FKBP3: variants seen among roughly 807,000 people sequenced by gnomAD.
FKBP3 encodes the protein FKBP prolyl isomerase 3, also known as peptidyl-prolyl cis-trans isomerase FKBP3.
In FKBP3, 21 loss-of-function variants were observed where a neutral mutation model predicts 30.6. The observed-to-expected ratio is 0.69, with a 90% CI of 0.49 to 0.99. The LOEUF (loss-of-function observed/expected upper bound fraction) is 0.99, where lower values mean the gene tolerates loss of function less well. Among genes scored for constraint, FKBP3 ranks in the 50% least tolerant of loss-of-function variants. FKBP3 has a pLI of 0.00. For synonymous variants in FKBP3, 82 were observed against 91.3 expected, an observed-to-expected ratio of 0.90 and a Z score of 0.58; for missense variants, 283 against 261.6, an observed-to-expected ratio of 1.08 and a Z score of -0.56.
At position 45,118,018 on chromosome 14, in the gene FKBP3, A is replaced by G. The variant is rs1314405532; in HGVS notation, c.620+10T>C. The G allele has an allele frequency of 1.9e-6, 3 of 1,574,178 alleles. No homozygotes were observed. The African/African-American group carries it at 4.1e-5, about 22-fold the overall frequency. ...TTTCAACTTTAATTATGAAGGGGAA[A>G]AAAGGATACTTGGCATCAGGCTGTC... is the stretch of plus-strand genomic sequence containing the variant. On this transcript the variant is annotated intron_variant, in intron 6 of 6. Coordinates refer to ENST00000396062, the MANE Select transcript of FKBP3 (RefSeq NM_002013.4).
At chr14:45,130,089 CA>C (rs1407302891) in intron 2 of FKBP3, among the ~76,000 whole-genome samples, 188 bp from the exon 3 acceptor site, 19 of 152,114 alleles carry the variant, frequency 1.2e-4, no homozygotes, top group African/African-American at 4.6e-4. Flanking sequence ...TATTTTTAAA[CA>C]ATAAATGATT....
chr14:45,131,238 A>G (rs1885207044), intron 1 of FKBP3: 1 of 154,858 alleles, frequency 6.5e-6, no homozygotes, highest in South Asian at 2.0e-4. Flanking sequence ...TCACTGTTAC[A>G]CAAGCATGTA....
intron 3 of FKBP3, among the ~76,000 whole-genome samples, chr14:45,124,056 G>A (rs1885044941): frequency 6.6e-6 from 1 of 152,114 alleles, no homozygotes; most frequent in Non-Finnish European, 1.5e-5. Flanking sequence ...GACACCTTGA[G>A]TCAGTCCTCT....
At position 45,118,089 on chromosome 14, in the gene FKBP3, T is replaced by C. The variant is rs1884894424; in HGVS notation, c.559A>G (p.Lys187Glu). 5 of 1,608,540 alleles carry C rather than the reference T, an allele frequency of 3.1e-6. No individual in the cohort carries two copies. Among genetic ancestry groups the C allele is most frequent in the Admixed American group, 1.7e-5 (1 of 58,670 alleles). ...TCTGGTTCAATCTCCAGTCGAGCCT[T>C]TTCTCCTTTACTCATAGTCAAGAGA... Reference protein sequence around the residue: ...EALLTMSKGEKARLEIEPEWA... With the variant: ...EALLTMSKGEEARLEIEPEWA... The change falls in exon 6 of 7, where the codon AAG becomes GAG. Residue 187 changes from lysine (K) to glutamate (E), a missense_variant. Lys to Glu is a moderately conservative substitution (Grantham distance 56). Coordinates refer to ENST00000396062, the MANE Select transcript of FKBP3 (RefSeq NM_002013.4).
In FKBP3 at chr14:45,115,798, C is replaced by T. The variant is rs1405192695; in HGVS notation, c.*400G>A. 1.3e-5 allele frequency: 2 copies of T among 157,792 alleles called. No homozygotes were observed. The highest frequency in any genetic ancestry group is 4.8e-5 in the African/African-American group (2 of 41,560). 9.8% of individuals were successfully genotyped at this position (157,792 alleles called of 1,614,324 possible). ...CCTTCTCATTATACAGGCAATCTGT[C>T]CAGATAATTTTACTGGGAGTTACTC... On this transcript the variant is annotated 3_prime_UTR_variant, in exon 7 of 7. Transcript: ENST00000396062.
Position 45,134,434 on chromosome 14 carries a change from C to A in FKBP3, c.23G>T (p.Arg8Leu), listed in dbSNP as rs758063895. ...GCGCAGCTGCTCCACGGTCCACGCC[C>A]GCTGTGGAACGGCCGCCGCCATCTT... MAAAVPQ[R>L]AWTVEQLRSE... Residue 8 changes from arginine to leucine, a missense_variant, in exon 1 of 7, where the codon CGG (arginine) becomes CTG (leucine). Coordinates refer to ENST00000396062, the MANE Select transcript of FKBP3 (RefSeq NM_002013.4). The A allele has an allele frequency of 3.7e-6, 6 of 1,611,042 alleles. No individual in the cohort carries two copies. The highest frequency in any genetic ancestry group is 5.1e-6 in the Non-Finnish European group (6 of 1,178,704).
At chr14:45,117,696 G>A (rs957068346) in intron 6 of FKBP3, among the ~76,000 whole-genome samples, 3 of 152,120 alleles carry the variant, frequency 2.0e-5, no homozygotes, top group African/African-American at 7.2e-5. Flanking sequence ...ATCGTAGTTT[G>A]CTACAGTTTG....
rs1388355367 is a variant in FKBP3, at chr14:45,115,785, A to C, written c.*413T>G. ...CCTTATGCTTTTGCCTTCTCATTATACAGGCAATCTGTCCAGATAATTTTA... is the reference window on the plus strand; with the variant it reads ...CCTTATGCTTTTGCCTTCTCATTATCCAGGCAATCTGTCCAGATAATTTTA... On this transcript the variant is annotated 3_prime_UTR_variant, in exon 7 of 7. Transcript: ENST00000396062. The C allele has an allele frequency of 1.9e-5, 3 of 155,200 alleles. No homozygotes were observed. Among genetic ancestry groups the C allele is most frequent in the African/African-American group, 7.2e-5 (3 of 41,506 alleles). The allele number at this position is 155,200 out of a possible 1,614,324, so 9.6% of individuals were successfully genotyped here.
At chr14:45,124,973 G>C (rs1594743438) in intron 3 of FKBP3, among the ~76,000 whole-genome samples, 1 of 152,190 alleles carries the variant, frequency 6.6e-6, no homozygotes, top group Non-Finnish European at 1.5e-5. Context: ...CTGGAGTGCA[G>C]TGGTGTGATC....
At chr14:45,122,117 TGAAATTACCTAAA>T (rs1884998023) in intron 3 of FKBP3, among the ~76,000 whole-genome samples, 1 of 152,168 alleles carries the variant, frequency 6.6e-6, no homozygotes. Flanking sequence ...ACACAATGGA[TGAAATTACCTAAA>T]GAAATTGCTA....
At position 45,134,435 on chromosome 14, in the gene FKBP3, G is replaced by A. The variant is rs765963124; in HGVS notation, c.22C>T (p.Arg8Trp). The stretch of plus-strand genomic sequence containing the variant: ...CGCAGCTGCTCCACGGTCCACGCCC[G>A]CTGTGGAACGGCCGCCGCCATCTTC... MAAAVPQ[R>W]AWTVEQLRSE... is the part of the protein sequence containing the mutation. The change falls in exon 1 of 7, where the codon CGG becomes TGG. Residue 8 changes from arginine to tryptophan, a missense_variant. Physicochemically the swap from Arg to Trp is moderately radical, Grantham distance 101. Coordinates refer to ENST00000396062, the MANE Select transcript of FKBP3 (RefSeq NM_002013.4). 1.2e-6 allele frequency: 2 copies of A among 1,610,032 alleles called. No individual in the cohort carries two copies. The highest frequency in any genetic ancestry group is 1.7e-5 in the Admixed American group (1 of 59,350).
At chr14:45,121,360 G>T (rs531220870) in intron 4 of FKBP3, 125 bp downstream of exon 4, 7 of 732,690 alleles carry the variant, frequency 9.6e-6, no homozygotes, top group East Asian at 8.0e-5. Flanking sequence ...GATCTTGGGG[G>T]AAAGTATGTC....
At chr14:45,116,855 C>CA (rs1007359645) in intron 6 of FKBP3, among the ~76,000 whole-genome samples, 9 of 148,642 alleles carry the variant, frequency 6.1e-5, no homozygotes, top group East Asian at 2.0e-4. Context: ...GACCCTGTCT[C>CA]AAAAAAAAAC....
intron 1 of FKBP3, among the ~76,000 whole-genome samples, chr14:45,133,782 G>A (rs2139091759): frequency 6.6e-6 from 1 of 152,314 alleles, no homozygotes; most frequent in East Asian, 1.9e-4. Flanking sequence ...AGAGAAATGT[G>A]CATGTAGCTC....
chr14:45,116,217 T>G lies in FKBP3; in HGVS notation c.656A>C (p.Glu219Ala). The G allele has an allele frequency of 6.2e-7, 1 of 1,612,698 alleles. No individual in the cohort carries two copies. Among genetic ancestry groups the G allele is most frequent in the East Asian group, 2.2e-5 (1 of 44,806 alleles). The stretch of plus-strand genomic sequence containing the variant: ...GCTATTTCAATCAATATCCACTAAT[T>G]CCACTTCAAAAGTGAGTTTTGCATT... ...PPNAKLTFEV[E>A]LVDID is the part of the protein sequence containing the mutation. The change falls in exon 7 of 7, where the codon GAA becomes GCA. Residue 219 changes from glutamate to alanine, a missense_variant. By Grantham distance (107) the Glu-to-Ala change is moderately radical. Coordinates refer to ENST00000396062, the MANE Select transcript of FKBP3 (RefSeq NM_002013.4).
At chr14:45,116,578 A>G (rs966684084) in intron 6 of FKBP3, among the ~76,000 whole-genome samples, 2 of 152,086 alleles carry the variant, frequency 1.3e-5, no homozygotes, top group African/African-American at 4.8e-5. Flanking sequence ...GTTCAAGGCC[A>G]GGTACGGTAG....
At chr14:45,117,715 A>G (rs140343908) in intron 6 of FKBP3, among the ~76,000 whole-genome samples, 258 of 152,360 alleles carry the variant, frequency 1.7e-3, no homozygotes, top group African/African-American at 6.1e-3. Flanking sequence ...TGTACTGGGC[A>G]TGGTAACTTT....
intron 5 of FKBP3, among the ~76,000 whole-genome samples, chr14:45,119,883 TCA>T (rs1475285511): frequency 6.6e-6 from 1 of 152,016 alleles, no homozygotes; most frequent in Non-Finnish European, 1.5e-5. Context: ...GAGACGGGTT[TCA>T]CAGTGTTAGC....
intron 2 of FKBP3, 38 bp downstream of exon 2, chr14:45,130,661 A>G: frequency 8.1e-7 from 1 of 1,231,402 alleles, no homozygotes; most frequent in South Asian, 1.4e-5. Flanking sequence ...TAAAATTTCA[A>G]AAGTGATGTT....
Sources: gnomAD v4.1 joint callset for allele counts (sites outside exome capture counted in the v4.1 genomes callset) on GRCh38, gnomAD v4.1.1 for gene constraint, MANE v1.5 for transcripts, NCBI Gene and HGNC (gene_info 2026-07-23, HGNC 2026-07-21) for gene names.